The following YWHAE variants were observed in gnomAD, a reference collection of about 807,000 sequenced individuals.
The protein encoded by YWHAE is tyrosine 3-monooxygenase/tryptophan 5-monooxygenase activation protein epsilon.
In YWHAE, 4 loss-of-function variants were observed where a neutral mutation model predicts 30.1. The observed-to-expected ratio is 0.13, with a 90% CI of 0.07 to 0.30. The LOEUF (loss-of-function observed/expected upper bound fraction) is 0.30. Among genes scored for constraint, YWHAE ranks in the 10% least tolerant of loss-of-function variants. YWHAE has a pLI of 1.00. For synonymous variants in YWHAE, 118 were observed against 111.8 expected (o/e 1.06, Z -0.35); for missense variants, 121 against 315.9 (o/e 0.38, Z 4.68).
Position 1,384,440 on chromosome 17 carries a change from C to T in YWHAE, c.64+15607G>A, listed in dbSNP as rs558542865. On this transcript the variant is annotated intron_variant, in intron 1 of 5. Transcript: ENST00000264335. ...GGCGCGGTGGCTCACGCCTGTAATC[C>T]CAGCACTTTGGGAGGCCAAGGCGGG... 4.5e-3 allele frequency among the ~76,000 whole-genome samples: 675 copies of T among 151,668 alleles called. 4 individuals carry two copies. Among genetic ancestry groups the T allele is most frequent in the Non-Finnish European group, 6.4e-3 (435 of 67,918 alleles).
rs546620027 is a variant in YWHAE, at chr17:1,394,829, C to T, written c.64+5218G>A. Among the ~76,000 whole-genome samples the T allele has an allele frequency of 2.5e-3, 374 of 149,504 alleles. 1 individual carries two copies. Among genetic ancestry groups the T allele is most frequent in the Non-Finnish European group, 4.3e-3 (292 of 67,362 alleles). On this transcript the variant is annotated intron_variant, in intron 1 of 5. Transcript: ENST00000264335. ...TAAAAATACAAAAATTAGCCAGGTG[C>T]GATGGCGGGCGCCTGTAGTCCCAGC...
At chr17:1,350,346 A>T (rs970264818) in intron 5 of YWHAE, among the ~76,000 whole-genome samples, 2 of 152,236 alleles carry the variant, frequency 1.3e-5, no homozygotes, top group Non-Finnish European at 2.9e-5. Flanking sequence ...ACTGACAGGT[A>T]GTCTACTTTG....
chr17:1,345,542 A>G (rs760815267), intron 5 of YWHAE, 43 bp from the exon 6 acceptor site: 2 of 1,587,920 alleles, frequency 1.3e-6, no homozygotes, highest in South Asian at 1.1e-5. Context: ...TATTGACTAC[A>G]TTAGGCTATG....
intron 1 of YWHAE, among the ~76,000 whole-genome samples, chr17:1,387,006 AAC>A (rs2150873061): frequency 6.6e-6 from 1 of 152,290 alleles, no homozygotes; most frequent in African/African-American, 2.4e-5. Flanking sequence ...CCTTCTATGA[AAC>A]TTTAAGACTC....
At chr17:1,393,590 C>T (rs890007162) in intron 1 of YWHAE, among the ~76,000 whole-genome samples, 2 of 152,084 alleles carry the variant, frequency 1.3e-5, no homozygotes, top group African/African-American at 4.8e-5. Context: ...CCATCACAGG[C>T]CAGCTAATTT....
rs572076504 is a variant in YWHAE at position 1,367,473 on chromosome 17, G to A, written c.65-2415C>T. Among the ~76,000 whole-genome samples, 5 of 152,224 alleles carry A rather than the reference G, an allele frequency of 3.3e-5. No homozygotes were observed. In the South Asian group the frequency reaches 6.2e-4, roughly 19 times the overall value. ...GCTGGGTGTGGTGGTGTGTGCCTGC[G>A]GTCTCAACTACTCAGGAGATTAAGG... is the stretch of plus-strand genomic sequence containing the variant. On this transcript the variant is annotated intron_variant, in intron 1 of 5. Transcript: ENST00000264335.
intron 5 of YWHAE, among the ~76,000 whole-genome samples, chr17:1,349,148 C>T (rs545151172): frequency 1.5e-4 from 23 of 152,140 alleles, no homozygotes; most frequent in East Asian, 5.8e-4. Flanking sequence ...TGAGACCATC[C>T]GGGCTAACAC....
At chr17:1,380,996 G>GT (rs1312517001) in intron 1 of YWHAE, among the ~76,000 whole-genome samples, 1 of 152,182 alleles carries the variant, frequency 6.6e-6, no homozygotes, top group African/African-American at 2.4e-5. Flanking sequence ...TGATTAGACT[G>GT]TAACTCTTCC....
intron 5 of YWHAE, among the ~76,000 whole-genome samples, chr17:1,349,617 ATT>A (rs201047199): frequency 1.8e-4 from 26 of 147,662 alleles, no homozygotes; most frequent in Admixed American, 4.7e-4. Flanking sequence ...ATTTCACTAG[ATT>A]TTTTTTTTTT....
chr17:1,385,205 A>T (rs2073282951), intron 1 of YWHAE, among the ~76,000 whole-genome samples: 1 of 152,014 alleles, frequency 6.6e-6, no homozygotes, highest in Admixed American at 6.6e-5. Flanking sequence ...AGCATTCTGA[A>T]ACCAGAAAAG....
intron 1 of YWHAE, among the ~76,000 whole-genome samples, chr17:1,388,469 T>G (rs921561593): frequency 1.3e-5 from 2 of 150,284 alleles, no homozygotes; most frequent in African/African-American, 2.5e-5. Context: ...TGAGCCAAGA[T>G]GCAAGTGGAG....
intron 5 of YWHAE, among the ~76,000 whole-genome samples, chr17:1,346,099 C>G (rs995069027): frequency 3.3e-5 from 5 of 152,118 alleles, no homozygotes; most frequent in Admixed American, 2.0e-4. Context: ...GTAAATCAGA[C>G]CACTGAGGTT....
chr17:1,366,100 C>CA (rs1487970906), intron 1 of YWHAE, among the ~76,000 whole-genome samples: 1 of 151,568 alleles, frequency 6.6e-6, no homozygotes, highest in African/African-American at 2.4e-5. Flanking sequence ...CCTGTAGTCC[C>CA]AGGTACTCTA....
At chr17:1,388,108 T>TG (rs1398817996) in intron 1 of YWHAE, among the ~76,000 whole-genome samples, 11 of 46,644 alleles carry the variant, frequency 2.4e-4, no homozygotes, top group African/African-American at 3.9e-4. Context: ...TTTGTTTTTT[T>TG]TTTTGGTTGG....
intron 2 of YWHAE, 26 bp downstream of exon 2, chr17:1,364,833 G>T: frequency 6.2e-7 from 1 of 1,613,770 alleles, no homozygotes; most frequent in South Asian, 1.1e-5. Flanking sequence ...TGTGGATAAG[G>T]GGGGATGATG....
intron 1 of YWHAE, among the ~76,000 whole-genome samples, chr17:1,395,629 G>A (rs929268851): frequency 3.3e-5 from 5 of 150,992 alleles, no homozygotes; most frequent in African/African-American, 1.2e-4. Context: ...AACGGCAATG[G>A]AAAATTACTG....
At chr17:1,368,681 G>C (rs771683080) in intron 1 of YWHAE, among the ~76,000 whole-genome samples, 8 of 152,036 alleles carry the variant, frequency 5.3e-5, no homozygotes, top group African/African-American at 1.9e-4. Context: ...AACCAGTCAC[G>C]AAACAGTCTA....
intron 1 of YWHAE, among the ~76,000 whole-genome samples, chr17:1,397,589 C>T (rs966646736): frequency 6.6e-6 from 1 of 152,126 alleles, no homozygotes; most frequent in African/African-American, 2.4e-5. Context: ...CAGCTGGAAA[C>T]CCAGCATTTG....
At chr17:1,371,022 T>C (rs894493353) in intron 1 of YWHAE, among the ~76,000 whole-genome samples, 3 of 151,826 alleles carry the variant, frequency 2.0e-5, no homozygotes, top group Non-Finnish European at 4.4e-5. Context: ...TCAAAAAACA[T>C]TGCTCTCCTT....
Sources: gnomAD v4.1 joint callset for allele counts (sites outside exome capture counted in the v4.1 genomes callset) on GRCh38, gnomAD v4.1.1 for gene constraint, MANE v1.5 for transcripts, NCBI Gene and HGNC (gene_info 2026-07-23, HGNC 2026-07-21) for gene names.